MED13: variants seen among roughly 807,000 people sequenced by gnomAD.
MED13 encodes the protein mediator of RNA polymerase II transcription subunit 13.
MED13 carries 23 observed loss-of-function variants against 225.2 expected under a neutral mutation model. That is an observed-to-expected ratio of 0.10 (90% CI 0.07 to 0.14). The LOEUF (loss-of-function observed/expected upper bound fraction) is 0.14. Among genes scored for constraint, MED13 ranks in the 10% least tolerant of loss-of-function variants. MED13 has a pLI of 1.00. For synonymous variants in MED13, 942 were observed against 889.2 expected, an observed-to-expected ratio of 1.06 and a Z score of -1.06; for missense variants, 2,197 against 2,594.5, an observed-to-expected ratio of 0.85 and a Z score of 3.33.
At chr17:61,984,570 A>C in intron 14 of MED13, 81 bp downstream of exon 14, 2 of 1,293,754 alleles carry the variant, frequency 1.5e-6, no homozygotes, top group South Asian at 3.0e-5. Context: ...CCACTATAAA[A>C]TAATTTTTGA....
At chr17:62,016,369 A>G (rs2080581532) in intron 8 of MED13, among the ~76,000 whole-genome samples, 1 of 152,078 alleles carries the variant, frequency 6.6e-6, no homozygotes, top group Admixed American at 6.6e-5. Context: ...TTTCAATGAC[A>G]AGGACCATAC....
At position 61,965,039 on chromosome 17, in the gene MED13, A is replaced by G. The variant is rs750683904; in HGVS notation, c.4811T>C (p.Leu1604Pro). ...TAGISGESSS[L>P]PTQPHPDVSE... is the part of the protein sequence containing the mutation. ...CACATCAGGATGCGGCTGAGTGGGA[A>G]GTGAAGATGATTCTCCAGAAATCCC... Residue 1604 changes from leucine to proline, a missense_variant, in exon 20 of 30, where the codon CTT (leucine) becomes CCT (proline). Physicochemically the swap from Leu to Pro is moderately conservative, Grantham distance 98. This residue lies in a region of MED13 where 457 missense variants were observed against 442.2 expected (regional missense o/e 1.03). Coordinates refer to ENST00000397786, the MANE Select transcript of MED13 (RefSeq NM_005121.3). The G allele has an allele frequency of 6.2e-6, 10 of 1,614,100 alleles. No homozygotes were observed. The Admixed American group carries it at 1.5e-4, about 24-fold the overall frequency.
intron 23 of MED13, 85 bp downstream of exon 23, chr17:61,960,782 C>A: frequency 2.0e-6 from 2 of 978,218 alleles, no homozygotes; most frequent in East Asian, 2.7e-5. Context: ...ATATATAAAA[C>A]CTTCAAACTG....
chr17:61,989,104 C>T (rs957443545), intron 11 of MED13, among the ~76,000 whole-genome samples: 9 of 150,700 alleles, frequency 6.0e-5, no homozygotes, highest in African/African-American at 2.2e-4. Flanking sequence ...CTCTGTCTCC[C>T]GGATTCAAGC....
intron 11 of MED13, among the ~76,000 whole-genome samples, chr17:61,987,619 T>C (rs780808280): frequency 1.8e-4 from 27 of 152,144 alleles, no homozygotes; most frequent in Admixed American, 1.8e-3. Context: ...ATTATATCTT[T>C]CCCAGGAAGC....
At chr17:61,995,006 C>A in intron 10 of MED13, 146 bp downstream of exon 10, 2 of 657,760 alleles carry the variant, frequency 3.0e-6, no homozygotes, top group Non-Finnish European at 5.0e-6. Context: ...CCACCGCAGC[C>A]GGGCAAAAAT....
chr17:62,051,893 A>C (rs1342707381), intron 3 of MED13, among the ~76,000 whole-genome samples: 1 of 152,200 alleles, frequency 6.6e-6, no homozygotes, highest in Admixed American at 6.5e-5. Flanking sequence ...GCCTTATATT[A>C]TCTAAATCAC....
chr17:61,985,396 G>A (rs1045000186), intron 12 of MED13, among the ~76,000 whole-genome samples: 8 of 152,090 alleles, frequency 5.3e-5, no homozygotes, highest in Admixed American at 2.0e-4. Flanking sequence ...ATAAGAGGCC[G>A]GACATGGTAG....
intron 8 of MED13, among the ~76,000 whole-genome samples, chr17:62,017,827 G>T (rs1475841095): frequency 1.3e-5 from 2 of 152,110 alleles, no homozygotes; most frequent in African/African-American, 2.4e-5. Context: ...TAAAGAAATA[G>T]GTAGTGCATA....
At chr17:61,992,439 T>C in intron 11 of MED13, 101 bp downstream of exon 11, 1 of 658,052 alleles carries the variant, frequency 1.5e-6, no homozygotes, top group Non-Finnish European at 2.6e-6. Context: ...TGAAACATAA[T>C]GAATTATACA....
In MED13 at chr17:61,986,988, T is replaced by C. The variant is rs764620576; in HGVS notation, c.2385+19A>G. The C allele has an allele frequency of 1.3e-6, 2 of 1,489,230 alleles. No individual in the cohort carries two copies. Among genetic ancestry groups the C allele is most frequent in the Admixed American group, 4.8e-5 (2 of 41,868 alleles). The allele number at this position is 1,489,230 out of a possible 1,614,324, so 92.3% of individuals were successfully genotyped here. On this transcript the variant is annotated intron_variant, in intron 12 of 29. Coordinates refer to ENST00000397786, the MANE Select transcript of MED13 (RefSeq NM_005121.3). ...CAAGGAAAACAAATTATAATCCTAT[T>C]CATTAATGAGATACTCACTGTTAGT...
intron 9 of MED13, among the ~76,000 whole-genome samples, chr17:62,000,907 C>T (rs1416422453): frequency 2.6e-5 from 4 of 152,020 alleles, no homozygotes; most frequent in Non-Finnish European, 5.9e-5. Context: ...GGATTACAGG[C>T]GCCTGCCACC....
At chr17:61,999,034 G>A (rs1466896572) in intron 9 of MED13, among the ~76,000 whole-genome samples, 3 of 146,624 alleles carry the variant, frequency 2.0e-5, no homozygotes, top group Non-Finnish European at 3.0e-5. Context: ...AAATAAAACA[G>A]CAAATATAGA....
intron 8 of MED13, among the ~76,000 whole-genome samples, chr17:62,024,263 C>G (rs2080678220): frequency 6.6e-6 from 1 of 152,222 alleles, no homozygotes; most frequent in Admixed American, 6.5e-5. Flanking sequence ...CGTGATCCAC[C>G]TGCCTCAGCA....
At chr17:62,019,443 A>G (rs747871390) in intron 8 of MED13, among the ~76,000 whole-genome samples, 1 of 152,184 alleles carries the variant, frequency 6.6e-6, no homozygotes, top group Admixed American at 6.5e-5. Context: ...GACTGTAAAT[A>G]AGTTCTGAGA....
chr17:61,982,242 G>A lies in MED13; in HGVS notation c.3761C>T (p.Ala1254Val). Residue 1254 changes from alanine to valine, a missense_variant, in exon 16 of 30, where the codon GCA becomes GTA. Physicochemically the swap from Ala to Val is moderately conservative, Grantham distance 64. Coordinates refer to ENST00000397786, the MANE Select transcript of MED13 (RefSeq NM_005121.3). ...GTGTAAGCATGAACTTTTCACAAGT[G>A]CTTCATCAACTTTTCCTCCTGACAT... ...DNMSGGKVDE[A>V]LVKSSCLHPW... The A allele has an allele frequency of 6.2e-7, 1 of 1,614,108 alleles. No homozygotes were observed. The highest frequency in any genetic ancestry group is 8.5e-7 in the Non-Finnish European group (1 of 1,180,010).
At chr17:62,062,596 C>T (rs2081047956) in intron 2 of MED13, among the ~76,000 whole-genome samples, 1 of 58,784 alleles carries the variant, frequency 1.7e-5, no homozygotes, top group African/African-American at 1.3e-4. Flanking sequence ...CACACACACA[C>T]ACACCACACA....
chr17:62,006,561 C>T (rs1200970126), intron 9 of MED13: 6 of 152,168 alleles, frequency 3.9e-5, no homozygotes. Context: ...TGAGCAAGGA[C>T]CACCAGTCAA....
chr17:62,030,113 CTATCTGGTAAAATTATTTA>C, intron 6 of MED13, 100 bp from the exon 7 acceptor site: 1 of 1,069,104 alleles, frequency 9.4e-7, no homozygotes, highest in Non-Finnish European at 1.3e-6. Context: ...GCTGCTCCAG[CTATCTGGTAAAATTATTTA>C]TATTTTGAGA....
Sources: allele counts gnomAD v4.1 joint callset (sites outside exome capture counted in the v4.1 genomes callset), GRCh38; gene constraint gnomAD v4.1.1; regional missense constraint gnomAD v4.1.1; transcripts MANE v1.5; gene names NCBI Gene and HGNC (gene_info 2026-07-23, HGNC 2026-07-21).